ATP7A: variants seen among roughly 807,000 people sequenced by gnomAD.
ATP7A encodes the protein ATPase copper transporting alpha, also known as copper-transporting ATPase 1.
ATP7A carries 7 observed loss-of-function variants against 83.5 expected under a neutral mutation model. That is an observed-to-expected ratio of 0.08 (90% CI 0.05 to 0.16). ATP7A has a LOEUF of 0.16. Ranked by LOEUF, ATP7A falls within the 10% of genes least tolerant of loss-of-function variation. The pLI, the probability that ATP7A is intolerant of heterozygous loss-of-function variation, is 1.00. For missense variants in ATP7A, 940 were observed against 1,120.8 expected, an observed-to-expected ratio of 0.84 and a Z score of 2.30; for synonymous variants, 354 against 395.2, an observed-to-expected ratio of 0.90 and a Z score of 1.24.
At chrX:77,999,181 G>C (rs1394052595) in intron 5 of ATP7A, among the ~76,000 whole-genome samples, 2 of 109,503 alleles carry the variant, frequency 1.8e-5, no homozygotes, top group Admixed American at 9.8e-5. Flanking sequence ...ATTTTTAGTA[G>C]AGATGGGGTT....
At chrX:78,013,762 C>T (rs781792135) in intron 10 of ATP7A, among the ~76,000 whole-genome samples, 3 of 111,572 alleles carry the variant, frequency 2.7e-5, no homozygotes, top group Non-Finnish European at 3.8e-5. Context: ...GATGTGTTTA[C>T]TGGGTTAAAG....
chrX:78,046,888 CAA>C lies in ATP7A; in HGVS notation c.*328_*329del, dbSNP rs200387829. The C allele has an allele frequency of 6.3e-4, 83 of 132,659 alleles. No homozygotes were observed. The highest frequency in any genetic ancestry group is 9.0e-4 in the East Asian group (5 of 5,547). 10.9% of individuals were successfully genotyped at this position (132,659 alleles called of 1,213,427 possible). A position where few individuals can be genotyped will look rare whatever the true frequency, so the allele number is the denominator to read the frequency against. On this transcript the variant is annotated 3_prime_UTR_variant, in exon 23 of 23. Coordinates refer to ENST00000341514, the MANE Select transcript of ATP7A (RefSeq NM_000052.7). ...TAAAGTGATTTTTTTTTTATTTGAC[CAA>C]AAAAAAAAAGGCCCAAGAAGAAGAA...
chrX:78,009,637 A>AT (rs1273046689), intron 7 of ATP7A, among the ~76,000 whole-genome samples: 5 of 112,247 alleles, frequency 4.5e-5, no homozygotes, highest in African/African-American at 1.6e-4. Context: ...CAAAAGACCT[A>AT]TTTTTAAGTT....
intron 7 of ATP7A, 136 bp from the exon 8 acceptor site, chrX:78,011,040 C>A: frequency 1.9e-6 from 1 of 516,993 alleles, no homozygotes; most frequent in Non-Finnish European, 3.3e-6. Flanking sequence ...GGAAGCACAT[C>A]TTCATCTTTG....
At chrX:77,983,122 C>T (rs2077613724) in intron 2 of ATP7A, among the ~76,000 whole-genome samples, 1 of 111,540 alleles carries the variant, frequency 9.0e-6, no homozygotes, top group Non-Finnish European at 1.9e-5. Flanking sequence ...CTCAAAGGCC[C>T]CCTGCCAATA....
intron 14 of ATP7A, among the ~76,000 whole-genome samples, chrX:78,028,290 G>T (rs1203688802): frequency 6.4e-5 from 7 of 109,416 alleles, no homozygotes; most frequent in African/African-American, 3.3e-5. Context: ...CCAGGTTCAA[G>T]CAATTCTTGT....
intron 1 of ATP7A, among the ~76,000 whole-genome samples, chrX:77,954,123 TA>T (rs1192763641): frequency 1.8e-5 from 2 of 111,418 alleles, no homozygotes; most frequent in East Asian, 5.6e-4. Flanking sequence ...AATGGTCAAA[TA>T]AAAAAAACTG....
At chrX:77,941,334 C>T (rs1029235310) in intron 1 of ATP7A, among the ~76,000 whole-genome samples, 4 of 111,469 alleles carry the variant, frequency 3.6e-5, no homozygotes, top group African/African-American at 9.8e-5. Flanking sequence ...TAAAATGGTA[C>T]GTTTATCTAT....
chrX:78,007,568 G>A (rs1402254292), intron 6 of ATP7A, among the ~76,000 whole-genome samples: 2 of 111,510 alleles, frequency 1.8e-5, no homozygotes, highest in East Asian at 2.8e-4. Flanking sequence ...CTCGTGATCC[G>A]CCCACCTCGG....
chrX:78,009,150 C>G lies in ATP7A; in HGVS notation c.1756C>G (p.Leu586Val), dbSNP rs782444523. Residue 586 changes from leucine to valine, a missense_variant, in exon 7 of 23, where the codon CTC becomes GTC. By Grantham distance (32) the Leu-to-Val change is conservative. Coordinates refer to ENST00000341514, the MANE Select transcript of ATP7A (RefSeq NM_000052.7). The part of the protein sequence containing the change: ...ASCVHKIESS[L>V]TKHRGILYCS... ...CTGCGTACATAAAATAGAGTCTAGTCTCACAAAACACAGAGGGATCCTATA... is the reference window on the plus strand; with the variant it reads ...CTGCGTACATAAAATAGAGTCTAGTGTCACAAAACACAGAGGGATCCTATA... 5 of 1,208,068 alleles carry G rather than the reference C, an allele frequency of 4.1e-6. No individual in the cohort carries two copies. In the East Asian group the frequency reaches 1.2e-4, roughly 29 times the overall value.
At chrX:78,005,707 G>GA (rs1188783193) in intron 6 of ATP7A, among the ~76,000 whole-genome samples, 20 of 65,459 alleles carry the variant, frequency 3.1e-4, no homozygotes, top group Non-Finnish European at 2.4e-4. Context: ...AAAAAAAAAA[G>GA]AAAAAAAAAG....
chrX:77,974,545 G>A (rs782038400), intron 2 of ATP7A, among the ~76,000 whole-genome samples: 2 of 110,995 alleles, frequency 1.8e-5, no homozygotes, highest in East Asian at 5.6e-4. Flanking sequence ...GAGAGTGAAC[G>A]ATGGTTGGGG....
intron 6 of ATP7A, 137 bp downstream of exon 6, chrX:78,003,373 G>A: frequency 1.6e-6 from 1 of 618,232 alleles, no homozygotes; most frequent in Non-Finnish European, 2.6e-6. Context: ...GAAGGATAAG[G>A]TATGATCTAA....
At chrX:77,948,792 TGAA>T (rs1557226497) in intron 1 of ATP7A, among the ~76,000 whole-genome samples, 2 of 112,033 alleles carry the variant, frequency 1.8e-5, no homozygotes, top group Non-Finnish European at 3.8e-5. Context: ...GTCGGTCAGT[TGAA>T]GAAGGGAATC....
intron 4 of ATP7A, among the ~76,000 whole-genome samples, chrX:77,994,165 A>G (rs2077686310): frequency 9.0e-6 from 1 of 110,617 alleles, no homozygotes; most frequent in Non-Finnish European, 1.9e-5. Flanking sequence ...TCCCGGGTTC[A>G]AGCAATTCTC....
chrX:77,950,711 C>T (rs2077407924), intron 1 of ATP7A, among the ~76,000 whole-genome samples: 2 of 110,960 alleles, frequency 1.8e-5, no homozygotes, highest in Non-Finnish European at 3.8e-5. Context: ...TATAATTTAA[C>T]ATACCATAAA....
intron 5 of ATP7A, among the ~76,000 whole-genome samples, chrX:77,999,931 G>A (rs370325196): frequency 9.3e-6 from 1 of 107,480 alleles, no homozygotes; most frequent in South Asian, 4.0e-4. Context: ...AAAAAGATAT[G>A]TGATGAGGTT....
chrX:77,955,174 A>G (rs782203399), intron 1 of ATP7A, among the ~76,000 whole-genome samples: 3 of 111,222 alleles, frequency 2.7e-5, no homozygotes, highest in Non-Finnish European at 5.7e-5. Flanking sequence ...ACATTTTTAT[A>G]TTTTTACTAT....
intron 17 of ATP7A, among the ~76,000 whole-genome samples, chrX:78,038,246 C>A (rs1181940388): frequency 9.1e-6 from 1 of 109,303 alleles, no homozygotes; most frequent in Non-Finnish European, 1.9e-5. Context: ...AAGTTCTTTT[C>A]TGATTGCTTC....
Sources: gnomAD v4.1 joint callset for allele counts (sites outside exome capture counted in the v4.1 genomes callset) on GRCh38, gnomAD v4.1.1 for gene constraint, MANE v1.5 for transcripts, NCBI Gene and HGNC (gene_info 2026-07-23, HGNC 2026-07-21) for gene names.